The following B3GAT2 variants were observed in gnomAD, a reference collection of about 807,000 sequenced individuals.
B3GAT2 encodes beta-1,3-glucuronyltransferase 2, also known as galactosylgalactosylxylosylprotein 3-beta-glucuronosyltransferase 2.
In B3GAT2, 26 loss-of-function variants were observed where a neutral mutation model predicts 27.8. The observed-to-expected ratio is 0.93, with a 90% confidence interval of 0.68 to 1.30. B3GAT2 has a LOEUF of 1.30. B3GAT2 is among the 50% of genes most tolerant of loss of function. The pLI, the probability that B3GAT2 is intolerant of heterozygous loss-of-function variation, is 0.00. For missense variants in B3GAT2, 458 were observed against 459.0 expected, an observed-to-expected ratio of 1.00 and a Z score of 0.02; for synonymous variants, 218 against 195.1, an observed-to-expected ratio of 1.12 and a Z score of -0.98.
intron 2 of B3GAT2, among the ~76,000 whole-genome samples, chr6:70,864,237 C>A (rs1457899615): frequency 6.6e-6 from 1 of 152,076 alleles, no homozygotes; most frequent in Non-Finnish European, 1.5e-5. Flanking sequence ...ATGGAGCCAC[C>A]TGGATCTGAT....
intron 2 of B3GAT2, among the ~76,000 whole-genome samples, chr6:70,874,583 T>G (rs1030119449): frequency 3.9e-5 from 6 of 152,142 alleles, no homozygotes; most frequent in Admixed American, 6.6e-5. Context: ...CTTCCAGAAA[T>G]ATGTCAGAGC....
chr6:70,865,112 T>C (rs898265825), intron 2 of B3GAT2, among the ~76,000 whole-genome samples: 5 of 152,084 alleles, frequency 3.3e-5, no homozygotes, highest in African/African-American at 7.2e-5. Flanking sequence ...AAAATGACAA[T>C]ACAACAAGAA....
intron 1 of B3GAT2, among the ~76,000 whole-genome samples, chr6:70,944,479 A>AACTGCAAGGCG (rs1378936116): frequency 1.3e-5 from 2 of 152,092 alleles, no homozygotes; most frequent in African/African-American, 2.4e-5. Flanking sequence ...TCTGAGATCA[A>AACTGCAAGGCG]ACTGCAAGGC....
At chr6:70,881,758 C>A (rs539691500) in intron 2 of B3GAT2, among the ~76,000 whole-genome samples, 1 of 152,276 alleles carries the variant, frequency 6.6e-6, no homozygotes, top group Admixed American at 6.5e-5. Context: ...CCCCTTCAGC[C>A]CACTGGATCT....
chr6:70,919,219 TTCTTG>T (rs1772826966), intron 1 of B3GAT2, among the ~76,000 whole-genome samples: 1 of 152,238 alleles, frequency 6.6e-6, no homozygotes, highest in Non-Finnish European at 1.5e-5. Flanking sequence ...TTTCATAAAG[TTCTTG>T]TACTATGGTT....
intron 1 of B3GAT2, among the ~76,000 whole-genome samples, chr6:70,944,891 C>T (rs1399190852): frequency 6.6e-6 from 1 of 152,148 alleles, no homozygotes; most frequent in African/African-American, 2.4e-5. Context: ...GAGGAACGAT[C>T]AGAAAGCAGC....
chr6:70,865,351 C>G (rs1374874566), intron 2 of B3GAT2, among the ~76,000 whole-genome samples: 1 of 152,168 alleles, frequency 6.6e-6, no homozygotes, highest in Non-Finnish European at 1.5e-5. Context: ...CTCCTGACTT[C>G]AAGTTATCTG....
chr6:70,917,108 C>A (rs1201750483), intron 1 of B3GAT2, among the ~76,000 whole-genome samples: 2 of 152,166 alleles, frequency 1.3e-5, no homozygotes, highest in African/African-American at 4.8e-5. Flanking sequence ...GATTCAACTT[C>A]TTCCTGGTTT....
At chr6:70,884,542 T>C (rs567112387) in intron 2 of B3GAT2, among the ~76,000 whole-genome samples, 1 of 152,212 alleles carries the variant, frequency 6.6e-6, no homozygotes, top group Admixed American at 6.5e-5. Context: ...GGGAGGACAC[T>C]GACATGAGCG....
intron 1 of B3GAT2, among the ~76,000 whole-genome samples, chr6:70,929,253 C>T (rs1334512617): frequency 4.6e-5 from 7 of 151,788 alleles, no homozygotes; most frequent in South Asian, 2.1e-4. Context: ...ATGTAAATGA[C>T]GAGTTAATGG....
chr6:70,925,014 C>T (rs936302930), intron 1 of B3GAT2, among the ~76,000 whole-genome samples: 7 of 152,234 alleles, frequency 4.6e-5, no homozygotes, highest in African/African-American at 1.4e-4. Context: ...GATGGCACCA[C>T]CTGACCTGCC....
intron 1 of B3GAT2, among the ~76,000 whole-genome samples, chr6:70,941,643 CA>C (rs1300596950): frequency 2.0e-5 from 3 of 152,224 alleles, no homozygotes; most frequent in South Asian, 2.1e-4. Flanking sequence ...GTTTATCTTC[CA>C]GTTTCTATTT....
chr6:70,956,763 A>G lies in B3GAT2; in HGVS notation c.-334T>C, dbSNP rs926784869. 2.5e-5 allele frequency: 30 copies of G among 1,202,448 alleles called. No individual in the cohort carries two copies. The highest frequency in any genetic ancestry group is 3.0e-5 in the Non-Finnish European group (29 of 964,988). 74.5% of individuals were successfully genotyped at this position (1,202,448 alleles called of 1,614,324 possible). On this transcript the variant is annotated 5_prime_UTR_variant, in exon 1 of 4. Transcript: ENST00000230053. ...GAGTGCGGGAAAGGCGCTGATCCCC[A>G]CCGCGCTCTTTCTGAAGAGTGGAAG...
chr6:70,877,122 C>A (rs1398954745), intron 2 of B3GAT2, among the ~76,000 whole-genome samples: 3 of 152,186 alleles, frequency 2.0e-5, no homozygotes, highest in African/African-American at 7.2e-5. Context: ...AGGAAAATTT[C>A]TCTGGCAGCA....
chr6:70,922,303 A>G (rs1423610829), intron 1 of B3GAT2, among the ~76,000 whole-genome samples: 3 of 152,236 alleles, frequency 2.0e-5, no homozygotes, highest in East Asian at 1.9e-4. Context: ...TAGAATAAGC[A>G]CATGAAATAT....
At chr6:70,922,754 C>G (rs917883071) in intron 1 of B3GAT2, among the ~76,000 whole-genome samples, 1 of 151,646 alleles carries the variant, frequency 6.6e-6, no homozygotes, top group Non-Finnish European at 1.5e-5. Flanking sequence ...AAGTTTTCAT[C>G]TCAAGAAACT....
chr6:70,902,767 T>C (rs6455386), intron 1 of B3GAT2, among the ~76,000 whole-genome samples: 76,373 of 151,426 alleles, frequency 0.5, 20,278 homozygotes, highest in African/African-American at 0.65. Context: ...GAAGACATTA[T>C]GCTAAGTAAA....
intron 2 of B3GAT2, among the ~76,000 whole-genome samples, chr6:70,888,213 C>G (rs1772222775): frequency 6.7e-6 from 1 of 148,382 alleles, no homozygotes; most frequent in South Asian, 2.1e-4. Context: ...AAACTTCAGT[C>G]AGGTGATGTG....
At chr6:70,882,845 T>G (rs549410854) in intron 2 of B3GAT2, among the ~76,000 whole-genome samples, 2 of 152,322 alleles carry the variant, frequency 1.3e-5, no homozygotes, top group South Asian at 4.1e-4. Context: ...ACCCTGACCT[T>G]GGACCTCCAG....
Sources: allele counts gnomAD v4.1 joint callset (sites outside exome capture counted in the v4.1 genomes callset), GRCh38; gene constraint gnomAD v4.1.1; transcripts MANE v1.5; gene names NCBI Gene and HGNC (gene_info 2026-07-23, HGNC 2026-07-21).